ENTPD4: variants seen among roughly 807,000 people sequenced by gnomAD.
The protein encoded by ENTPD4 is ectonucleoside triphosphate diphosphohydrolase 4, also known as Golgi UDPase.
In ENTPD4, 60 loss-of-function variants were observed where a neutral mutation model predicts 79.1. The ratio of observed to expected loss-of-function variants is 0.76; its 90% CI spans 0.62 to 0.94. The LOEUF is 0.94. Ranked by LOEUF, ENTPD4 falls within the 40% of genes least tolerant of loss-of-function variation. ENTPD4 has a pLI of 0.00. For synonymous variants in ENTPD4, 276 were observed against 292.0 expected (o/e 0.95, Z 0.56); for missense variants, 772 against 775.1 (o/e 1.00, Z 0.05).
chr8:23,445,518 G>A (rs1325180073), intron 4 of ENTPD4, among the ~76,000 whole-genome samples: 1 of 151,908 alleles, frequency 6.6e-6, no homozygotes, highest in Non-Finnish European at 1.5e-5. Flanking sequence ...TGGCCTTAGG[G>A]CCCTGCTCCT....
intron 1 of ENTPD4, among the ~76,000 whole-genome samples, chr8:23,456,116 C>T (rs551595612): frequency 6.6e-6 from 1 of 152,230 alleles, no homozygotes; most frequent in African/African-American, 2.4e-5. Context: ...TGGATCAACA[C>T]CAAGTTTCCT....
Position 23,444,522 on chromosome 8 carries a change from C to G in ENTPD4, c.497G>C (p.Arg166Pro), listed in dbSNP as rs1329614993. The G allele has an allele frequency of 6.2e-7, 1 of 1,614,100 alleles. No homozygotes were observed. The highest frequency in any genetic ancestry group is 8.5e-7 in the Non-Finnish European group (1 of 1,180,002). The stretch of plus-strand genomic sequence containing the variant: ...GAGAGGTGTCTCTTTGTGTTTTGCC[C>G]GTGGCACATGCTCTGCAGCAAAGTT... ...LLNFAAEHVPRAKHKETPLYI... is the reference protein window; with the variant it reads ...LLNFAAEHVPPAKHKETPLYI... Residue 166 changes from arginine to proline, a missense_variant, in exon 5 of 13, where the codon CGG becomes CCG. By Grantham distance (103) the Arg-to-Pro change is moderately radical (BLOSUM62 -2). Transcript: ENST00000358689.
At chr8:23,434,940 A>C (rs532986303) in intron 11 of ENTPD4, among the ~76,000 whole-genome samples, 14 of 152,358 alleles carry the variant, frequency 9.2e-5, no homozygotes, top group African/African-American at 3.1e-4. Context: ...AAGATACAAT[A>C]ATTAGTAAGA....
chr8:23,444,287 G>A (rs916881457), intron 5 of ENTPD4, among the ~76,000 whole-genome samples, 169 bp downstream of exon 5: 1 of 152,162 alleles, frequency 6.6e-6, no homozygotes, highest in Non-Finnish European at 1.5e-5. Flanking sequence ...GGTGGATTCT[G>A]GCTAAAGGAA....
chr8:23,440,774 A>G (rs1400354065), intron 8 of ENTPD4, among the ~76,000 whole-genome samples: 1 of 152,232 alleles, frequency 6.6e-6, no homozygotes, highest in African/African-American at 2.4e-5. Flanking sequence ...CCCATGTTGT[A>G]GGTACTTTTG....
rs369556099 is a variant in ENTPD4 at position 23,442,086 on chromosome 8, T to C, written c.668-20A>G. The C allele has an allele frequency of 4.7e-5, 75 of 1,599,288 alleles. No homozygotes were observed. In the African/African-American group the frequency reaches 8.8e-4, roughly 19 times the overall value. ...ACACACCTATAGACATTTTACAGGG[T>C]GAAGAGAAGAAAAAGTTTTAAAACA... On this transcript the variant is annotated intron_variant, in intron 6 of 12. Coordinates refer to ENST00000358689, the MANE Select transcript of ENTPD4 (RefSeq NM_004901.5).
At chr8:23,435,609 A>G in intron 10 of ENTPD4, 132 bp from the exon 11 acceptor site, 1 of 667,672 alleles carries the variant, frequency 1.5e-6, no homozygotes, top group Non-Finnish European at 2.6e-6. Context: ...CTTAACTTAT[A>G]CAACAAATGG....
At chr8:23,449,504 TC>T (rs372307416) in intron 2 of ENTPD4, among the ~76,000 whole-genome samples, 29 of 152,094 alleles carry the variant, frequency 1.9e-4, no homozygotes, top group African/African-American at 7.0e-4. Context: ...TTTAACAACA[TC>T]CCCATAACAA....
At chr8:23,434,657 G>C (rs898866705) in intron 11 of ENTPD4, 179 bp from the exon 12 acceptor site, 1 of 1,432,688 alleles carries the variant, frequency 7.0e-7, no homozygotes, top group African/African-American at 1.4e-5. Context: ...TCACATCCCT[G>C]GTCCCACAAC....
chr8:23,438,505 A>G (rs1232459683), intron 9 of ENTPD4, among the ~76,000 whole-genome samples: 3 of 152,250 alleles, frequency 2.0e-5, no homozygotes, highest in Non-Finnish European at 4.4e-5. Flanking sequence ...TAATTACTAT[A>G]AAAGTCCAAG....
At chr8:23,449,478 T>A (rs1346369420) in intron 2 of ENTPD4, among the ~76,000 whole-genome samples, 1 of 152,148 alleles carries the variant, frequency 6.6e-6, no homozygotes, top group Non-Finnish European at 1.5e-5. Context: ...ACTTGAGTAA[T>A]GGGAGAAAAC....
Position 23,429,365 on chromosome 8 carries a change from G to A in ENTPD4, c.*3561C>T, listed in dbSNP as rs1219227706. On this transcript the variant is annotated 3_prime_UTR_variant, in exon 13 of 13. Coordinates refer to ENST00000358689, the MANE Select transcript of ENTPD4 (RefSeq NM_004901.5). ...TTCCTAACTGTAAAATATAATTTTA[G>A]TACAGAACAAACAAATTCTCCTTGG... The A allele has an allele frequency of 2.4e-5, 24 of 984,922 alleles. No homozygotes were observed. Among genetic ancestry groups the A allele is most frequent in the Non-Finnish European group, 1.8e-5 (15 of 829,644 alleles). The allele number at this position is 984,922 out of a possible 1,614,324, so 61.0% of individuals were successfully genotyped here.
At chr8:23,438,044 G>A (rs910882919) in intron 9 of ENTPD4, among the ~76,000 whole-genome samples, 1 of 152,204 alleles carries the variant, frequency 6.6e-6, no homozygotes, top group Non-Finnish European at 1.5e-5. Context: ...TGGGCTCTGA[G>A]ATGCCCTGTA....
In ENTPD4 at chr8:23,444,031, C is replaced by A. The variant is rs1196116170; in HGVS notation, c.564-78G>T. 3.9e-6 allele frequency: 4 copies of A among 1,016,438 alleles called. No homozygotes were observed. The Admixed American group carries it at 7.6e-5, about 19-fold the overall frequency. The allele number at this position is 1,016,438 out of a possible 1,614,324, so 63.0% of individuals were successfully genotyped here. On this transcript the variant is annotated intron_variant, in intron 5 of 12. Coordinates refer to ENST00000358689, the MANE Select transcript of ENTPD4 (RefSeq NM_004901.5). Reference sequence around the variant, plus strand: ...CTGTTTAGAAAAGGAAAAAAATAAACAAACAAAAAACAAAACCAGGGATCT... The same window carrying A: ...CTGTTTAGAAAAGGAAAAAAATAAAAAAACAAAAAACAAAACCAGGGATCT...
Position 23,432,394 on chromosome 8 carries a change from C to T in ENTPD4, c.*532G>A, listed in dbSNP as rs889688101. ...ATCTCATTTATTTTTGGCAGATATCCTGTGCAGCAAAAATCAAGTGAATTT... is the reference window on the plus strand; with the variant it reads ...ATCTCATTTATTTTTGGCAGATATCTTGTGCAGCAAAAATCAAGTGAATTT... On this transcript the variant is annotated 3_prime_UTR_variant, in exon 13 of 13. Transcript: ENST00000358689. 6.5e-5 allele frequency: 64 copies of T among 985,684 alleles called. No individual in the cohort carries two copies. The highest frequency in any genetic ancestry group is 7.5e-5 in the Non-Finnish European group (62 of 830,254). The allele number at this position is 985,684 out of a possible 1,614,324, so 61.1% of individuals were successfully genotyped here. A position where few individuals can be genotyped will look rare whatever the true frequency, so the allele number is the denominator to read the frequency against.
intron 6 of ENTPD4, among the ~76,000 whole-genome samples, chr8:23,442,575 C>T (rs754366294): frequency 7.2e-5 from 11 of 151,742 alleles, no homozygotes; most frequent in Non-Finnish European, 1.3e-4. Context: ...CCCAGCTATT[C>T]GGGAAGCTGA....
At chr8:23,439,049 AT>A (rs919298231) in intron 9 of ENTPD4, among the ~76,000 whole-genome samples, 1 of 152,330 alleles carries the variant, frequency 6.6e-6, no homozygotes, top group African/African-American at 2.4e-5. Flanking sequence ...CCAGATTCAG[AT>A]TTTTTTATTT....
chr8:23,430,111 T>G lies in ENTPD4; in HGVS notation c.*2815A>C, dbSNP rs1800429015. ...CAGCTCTTGGTATGAATTCTTCTCT[T>G]GAATTAAGATCCTCCCTGGCTTGTC... On this transcript the variant is annotated 3_prime_UTR_variant, in exon 13 of 13. Coordinates refer to ENST00000358689, the MANE Select transcript of ENTPD4 (RefSeq NM_004901.5). The G allele has an allele frequency of 2.0e-6, 2 of 985,360 alleles. No homozygotes were observed. 61.0% of individuals were successfully genotyped at this position (985,360 alleles called of 1,614,324 possible). A position where few individuals can be genotyped will look rare whatever the true frequency, so the allele number is the denominator to read the frequency against.
chr8:23,436,657 G>C (rs1800566441), intron 10 of ENTPD4, among the ~76,000 whole-genome samples: 1 of 152,174 alleles, frequency 6.6e-6, no homozygotes, highest in South Asian at 2.1e-4. Flanking sequence ...GTCACATGCA[G>C]CAAAGCACAA....
Sources: gnomAD v4.1 joint callset for allele counts (sites outside exome capture counted in the v4.1 genomes callset) on GRCh38, gnomAD v4.1.1 for gene constraint, MANE v1.5 for transcripts, NCBI Gene and HGNC (gene_info 2026-07-23, HGNC 2026-07-21) for gene names.